Variants in PRKRA observed in about 807,000 individuals in gnomAD.
The protein encoded by PRKRA is interferon-inducible double-stranded RNA-dependent protein kinase activator A.
PRKRA carries 22 observed loss-of-function variants against 32.4 expected under a neutral mutation model. The observed-to-expected ratio is 0.68, with a 90% CI of 0.49 to 0.97. The LOEUF is 0.97. Among genes scored for constraint, PRKRA ranks in the 50% least tolerant of loss-of-function variants. The pLI is 0.00. For synonymous variants in PRKRA, 139 were observed against 129.8 expected (o/e 1.07, Z -0.48); for missense variants, 319 against 375.6 (o/e 0.85, Z 1.25).
intron 6 of PRKRA, chr2:178,440,300 AAGCTC>A (rs1489815969): frequency 1.3e-5 from 2 of 152,188 alleles, no homozygotes; most frequent in African/African-American, 2.4e-5. Flanking sequence ...ATTTTATCAT[AAGCTC>A]AGTGAAGAAG....
intron 6 of PRKRA, among the ~76,000 whole-genome samples, chr2:178,440,446 GAATT>G (rs1370819703): frequency 3.9e-5 from 6 of 152,076 alleles, no homozygotes; most frequent in Admixed American, 2.6e-4. Flanking sequence ...CTTAAGCTCT[GAATT>G]TATTTGTTCA....
intron 7 of PRKRA, among the ~76,000 whole-genome samples, chr2:178,434,612 A>G (rs1337264388): frequency 6.6e-6 from 1 of 151,622 alleles, no homozygotes; most frequent in Non-Finnish European, 1.5e-5. Context: ...TTTTCTAACC[A>G]TCTGTCTGCA....
intron 2 of PRKRA, among the ~76,000 whole-genome samples, chr2:178,448,472 C>T (rs1697402357): frequency 6.6e-6 from 1 of 151,890 alleles, no homozygotes; most frequent in African/African-American, 2.4e-5. Flanking sequence ...TTAATAGGCA[C>T]CTGAAGTATG....
intron 1 of PRKRA, 83 bp downstream of exon 1, chr2:178,450,883 G>T: frequency 1.3e-6 from 2 of 1,498,026 alleles, no homozygotes; most frequent in Non-Finnish European, 1.8e-6. Flanking sequence ...TACCCAGAAT[G>T]CCTCTGGAGG....
At chr2:178,445,221 G>A (rs1431587592) in intron 3 of PRKRA, among the ~76,000 whole-genome samples, 5 of 152,200 alleles carry the variant, frequency 3.3e-5, no homozygotes, top group African/African-American at 1.2e-4. Context: ...ACCTCTTCTA[G>A]GGAGTCTGGA....
At position 178,441,800 on chromosome 2, in the gene PRKRA, T is replaced by C. The variant is rs1697125246; in HGVS notation, c.515-96A>G. 6 of 794,280 alleles carry C rather than the reference T, an allele frequency of 7.6e-6. No homozygotes were observed. In the South Asian group the frequency reaches 8.7e-5, roughly 11 times the overall value. 49.2% of individuals were successfully genotyped at this position (794,280 alleles called of 1,614,324 possible). ...AAGTACTGTGTTTAATCAGAGAACC[T>C]CACGGTTTTTATTATATACTAGACT... On this transcript the variant is annotated intron_variant, in intron 5 of 7. Transcript: ENST00000325748.
At chr2:178,449,965 A>G in intron 2 of PRKRA, 1 of 523,026 alleles carries the variant, frequency 1.9e-6, no homozygotes, top group South Asian at 2.0e-5. Flanking sequence ...GAAGAACCCT[A>G]GGAGGATCCT....
intron 7 of PRKRA, among the ~76,000 whole-genome samples, chr2:178,432,690 A>G (rs998242161): frequency 5.3e-5 from 8 of 152,242 alleles, no homozygotes; most frequent in African/African-American, 1.9e-4. Flanking sequence ...ATTTTCCACT[A>G]GGAAGTCATT....
intron 6 of PRKRA, 62 bp downstream of exon 6, chr2:178,441,548 A>T: frequency 2.0e-6 from 2 of 1,018,366 alleles, no homozygotes; most frequent in Non-Finnish European, 2.7e-6. Context: ...GAAATCAAGG[A>T]AAGTTTCCTA....
At chr2:178,450,515 C>T (rs1697542984) in intron 1 of PRKRA, 104 bp from the exon 2 acceptor site, 1 of 1,570,690 alleles carries the variant, frequency 6.4e-7, no homozygotes, top group African/African-American at 1.3e-5. Flanking sequence ...AGGGAGGCGC[C>T]GAGTTCCCCG....
chr2:178,446,872 A>G (rs1697329534), intron 3 of PRKRA, among the ~76,000 whole-genome samples: 1 of 151,056 alleles, frequency 6.6e-6, no homozygotes, highest in Non-Finnish European at 1.5e-5. Flanking sequence ...GGGCGCCTGT[A>G]GTCCCAGCTA....
chr2:178,450,856 G>T, intron 1 of PRKRA, 110 bp downstream of exon 1: 1 of 1,262,586 alleles, frequency 7.9e-7, no homozygotes, highest in Non-Finnish European at 1.0e-6. Context: ...CGGAGGCGTG[G>T]GCGCCGGGCA....
intron 3 of PRKRA, among the ~76,000 whole-genome samples, chr2:178,446,621 CAAG>C (rs1158290751): frequency 2.0e-5 from 3 of 152,122 alleles, no homozygotes; most frequent in Non-Finnish European, 2.9e-5. Context: ...AGTGTATGCA[CAAG>C]AAGAACTTGA....
chr2:178,440,863 A>G (rs1413934123), intron 6 of PRKRA, among the ~76,000 whole-genome samples: 3 of 152,164 alleles, frequency 2.0e-5, no homozygotes, highest in Non-Finnish European at 2.9e-5. Flanking sequence ...TACCCTTGGG[A>G]TAAAGTTCAC....
chr2:178,432,795 TTGTA>T (rs1364938568), intron 7 of PRKRA, among the ~76,000 whole-genome samples: 1 of 152,192 alleles, frequency 6.6e-6, no homozygotes, highest in Non-Finnish European at 1.5e-5. Context: ...TACATAATAA[TTGTA>T]TGTATTTATG....
chr2:178,431,815 A>G lies in PRKRA; in HGVS notation c.*282T>C. On this transcript the variant is annotated 3_prime_UTR_variant, in exon 8 of 8. Coordinates refer to ENST00000325748, the MANE Select transcript of PRKRA (RefSeq NM_003690.5). ...CATTTTTATTTCATCATCAACAACA[A>G]ACATGCAGTTTCTTTCTCTGATGTG... is the stretch of plus-strand genomic sequence containing the variant. 4.4e-6 allele frequency: 2 copies of G among 456,942 alleles called. No homozygotes were observed. The highest frequency in any genetic ancestry group is 8.0e-6 in the Non-Finnish European group (2 of 250,948). 28.3% of individuals were successfully genotyped at this position (456,942 alleles called of 1,614,324 possible).
At chr2:178,432,324 A>G (rs1190357078) in intron 7 of PRKRA, 70 bp from the exon 8 acceptor site, 1 of 1,297,378 alleles carries the variant, frequency 7.7e-7, no homozygotes, top group Non-Finnish European at 1.0e-6. Context: ...TGTAAAAACA[A>G]TACAATTCTT....
At position 178,444,630 on chromosome 2, in the gene PRKRA, C is replaced by T. The variant is rs573471150; in HGVS notation, c.318-130G>A. On this transcript the variant is annotated intron_variant, in intron 3 of 7. Coordinates refer to ENST00000325748, the MANE Select transcript of PRKRA (RefSeq NM_003690.5). ...TTCCTTCTACATGGAATGCCCTTTT[C>T]TCAGACCTCTTCTATGGGAATCTGA... 4.7e-5 allele frequency: 35 copies of T among 743,812 alleles called. No individual in the cohort carries two copies. The African/African-American group carries it at 5.2e-4, about 11-fold the overall frequency. The allele number at this position is 743,812 out of a possible 1,614,324, so 46.1% of individuals were successfully genotyped here.
intron 3 of PRKRA, 84 bp from the exon 4 acceptor site, chr2:178,444,584 T>A: frequency 9.1e-7 from 1 of 1,098,668 alleles, no homozygotes; most frequent in South Asian, 1.3e-5. Flanking sequence ...TAATTAACTC[T>A]CTATGTCTTT....
Sources: gnomAD v4.1 joint callset for allele counts (sites outside exome capture counted in the v4.1 genomes callset) on GRCh38, gnomAD v4.1.1 for gene constraint, MANE v1.5 for transcripts, NCBI Gene and HGNC (gene_info 2026-07-23, HGNC 2026-07-21) for gene names.